Variants in SPATA13 observed in about 807,000 individuals in gnomAD.
SPATA13 encodes spermatogenesis-associated protein 13.
SPATA13 carries 50 observed loss-of-function variants against 104.0 expected under a neutral mutation model. That is an observed-to-expected ratio of 0.48 (90% CI 0.38 to 0.61). The LOEUF (loss-of-function observed/expected upper bound fraction) is 0.61. SPATA13 is among the 20% of genes least tolerant of loss of function. SPATA13 has a pLI of 0.00. For missense variants in SPATA13, 1,524 were observed against 1,690.6 expected, an observed-to-expected ratio of 0.90 and a Z score of 1.73; for synonymous variants, 606 against 667.5, an observed-to-expected ratio of 0.91 and a Z score of 1.42.
In SPATA13 at chr13:24,108,663, G is replaced by C. The variant is rs200422744; in HGVS notation, c.-112+90962G>C. On this transcript the variant is annotated intron_variant, in intron 3 of 14. Transcript: ENST00000424834. ...AATGCCGGCTGCTTTTCATGGTAGG[G>C]GGGGGGAAGCCTGATGCTGGGACCC... Among the ~76,000 whole-genome samples, 911 of 151,764 alleles carry C rather than the reference G, an allele frequency of 6.0e-3. 5 individuals carry two copies. The highest frequency in any genetic ancestry group is 9.2e-3 in the Non-Finnish European group (628 of 67,894).
intron 3 of SPATA13, among the ~76,000 whole-genome samples, chr13:24,127,487 C>T (rs889574645): frequency 1.3e-5 from 2 of 152,202 alleles, no homozygotes; most frequent in African/African-American, 4.8e-5. Flanking sequence ...CTGAGAACAG[C>T]CTCTGGGGAC....
chr13:24,198,627 T>C (rs1870224120), intron 1 of SPATA13, among the ~76,000 whole-genome samples: 1 of 152,218 alleles, frequency 6.6e-6, no homozygotes, highest in Admixed American at 6.5e-5. Context: ...TAAATGTTGA[T>C]TGGAATTTAA....
At chr13:24,206,009 T>C (rs1870679118) in intron 1 of SPATA13, among the ~76,000 whole-genome samples, 1 of 152,286 alleles carries the variant, frequency 6.6e-6, no homozygotes. Context: ...ATTCAGGGCA[T>C]AGGAATGAGC....
chr13:24,056,776 G>A (rs7985529), intron 3 of SPATA13, among the ~76,000 whole-genome samples: 21,173 of 152,126 alleles, frequency 0.14, 1,776 homozygotes, highest in East Asian at 0.33. Flanking sequence ...AGACAAGTAC[G>A]TTGCTGTGCG....
intron 3 of SPATA13, among the ~76,000 whole-genome samples, chr13:24,021,144 C>A (rs1876956420): frequency 6.6e-6 from 1 of 152,144 alleles, no homozygotes; most frequent in Non-Finnish European, 1.5e-5. Flanking sequence ...TATTGAGTTT[C>A]CACAGAAAGG....
intron 3 of SPATA13, chr13:24,123,933 CT>C: frequency 1.8e-6 from 1 of 555,912 alleles, no homozygotes; most frequent in Non-Finnish European, 3.2e-6. Flanking sequence ...CTCTTTCAGG[CT>C]TTTGAGATAA....
chr13:24,223,634 TGA>T lies in SPATA13; in HGVS notation c.708_709del (p.Glu236AspfsTer7). The T allele has an allele frequency of 6.4e-7, 1 of 1,551,536 alleles. No homozygotes were observed. Among genetic ancestry groups the T allele is most frequent in the Non-Finnish European group, 8.7e-7 (1 of 1,146,670 alleles). On this transcript the variant is annotated frameshift_variant, in exon 2 of 13. Coordinates refer to ENST00000382108, the MANE Select transcript of SPATA13 (RefSeq NM_001166271.3). LOFTEE classifies it high-confidence loss of function. ...IATGQVPAVC[E>X]ILVRDPENNS... ...CCACTGGCCAGGTGCCCGCCGTGTG[TGA>T]GATTCTCGTGAGGGACCCTGAAAAC...
intron 1 of SPATA13, among the ~76,000 whole-genome samples, chr13:24,202,817 T>G (rs567918349): frequency 1.8e-4 from 27 of 152,296 alleles, no homozygotes; most frequent in African/African-American, 6.3e-4. Context: ...AATTACGTTA[T>G]GAACACGGCT....
intron 3 of SPATA13, among the ~76,000 whole-genome samples, chr13:24,140,425 A>G (rs1462555448): frequency 6.6e-6 from 1 of 152,214 alleles, no homozygotes; most frequent in African/African-American, 2.4e-5. Context: ...TAATTCATCT[A>G]TAGAGTTTTC....
chr13:24,267,494 A>G (rs1874351316), intron 4 of SPATA13, among the ~76,000 whole-genome samples: 1 of 152,190 alleles, frequency 6.6e-6, no homozygotes, highest in Non-Finnish European at 1.5e-5. Context: ...TGCTTGGGAA[A>G]CAGAAACTAT....
chr13:24,135,730 G>A (rs1881544424), intron 3 of SPATA13, among the ~76,000 whole-genome samples: 2 of 149,074 alleles, frequency 1.3e-5, no homozygotes, highest in Admixed American at 1.3e-4. Flanking sequence ...AGTATTTTTA[G>A]ATAGAGTTTA....
At chr13:24,157,235 C>G (rs1247328519), upstream of SPATA13, among the ~76,000 whole-genome samples, 1 of 152,188 alleles carries the variant, frequency 6.6e-6, no homozygotes, top group Non-Finnish European at 1.5e-5. Context: ...TCAGGTTATT[C>G]TATCAAGGGA....
At chr13:24,139,110 A>G (rs762735414) in intron 3 of SPATA13, among the ~76,000 whole-genome samples, 4 of 152,144 alleles carry the variant, frequency 2.6e-5, no homozygotes, top group Non-Finnish European at 4.4e-5. Context: ...CGCCTCTTCC[A>G]GCTTCCACTG....
At chr13:24,256,916 T>G (rs2138672888) in intron 4 of SPATA13, among the ~76,000 whole-genome samples, 1 of 152,356 alleles carries the variant, frequency 6.6e-6, no homozygotes, top group Admixed American at 6.5e-5. Context: ...TCCTTGGGTT[T>G]CAGGAAGGAT....
intron 3 of SPATA13, among the ~76,000 whole-genome samples, chr13:24,143,981 A>C (rs1003511107): frequency 6.6e-6 from 1 of 152,214 alleles, no homozygotes; most frequent in African/African-American, 2.4e-5. Flanking sequence ...GTCACAGGTG[A>C]GAAAGGCCGC....
At chr13:24,112,336 G>T (rs1880667073) in intron 3 of SPATA13, among the ~76,000 whole-genome samples, 1 of 151,198 alleles carries the variant, frequency 6.6e-6, no homozygotes, top group Non-Finnish European at 1.5e-5. Context: ...TGCTCTTGTT[G>T]CCCCTACAGC....
chr13:24,199,168 C>A (rs1870261572), intron 1 of SPATA13, among the ~76,000 whole-genome samples: 1 of 152,054 alleles, frequency 6.6e-6, no homozygotes, highest in Non-Finnish European at 1.5e-5. Flanking sequence ...GGATTACAGG[C>A]CTGAGCCACT....
At chr13:24,052,722 CAG>C (rs1878386451) in intron 3 of SPATA13, among the ~76,000 whole-genome samples, 2 of 151,412 alleles carry the variant, frequency 1.3e-5, no homozygotes, top group Admixed American at 6.6e-5. Flanking sequence ...ATTTTATAAA[CAG>C]AATATAAATA....
At chr13:24,174,176 T>C (rs1051431716) in intron 1 of SPATA13, among the ~76,000 whole-genome samples, 4 of 152,186 alleles carry the variant, frequency 2.6e-5, no homozygotes, top group Non-Finnish European at 5.9e-5. Context: ...TCACATTGTG[T>C]GAGTTGTGGT....
Sources: allele counts gnomAD v4.1 joint callset (sites outside exome capture counted in the v4.1 genomes callset), GRCh38; gene constraint gnomAD v4.1.1; transcripts MANE v1.5; gene names NCBI Gene and HGNC (gene_info 2026-07-23, HGNC 2026-07-21).